STK25: variants seen among roughly 807,000 people sequenced by gnomAD.
STK25 encodes the protein serine/threonine kinase 25, also known as serine/threonine-protein kinase 25.
Under a neutral mutation model 53.8 loss-of-function variants are expected in STK25, and 29 were observed. The observed-to-expected ratio is 0.54, with a 90% CI of 0.40 to 0.74. The LOEUF (loss-of-function observed/expected upper bound fraction) is 0.74, where lower values mean the gene tolerates loss of function less well. STK25 is among the 30% of genes least tolerant of loss of function. STK25 has a pLI of 0.00. For synonymous variants in STK25, 247 were observed against 238.3 expected, an observed-to-expected ratio of 1.04 and a Z score of -0.33; for missense variants, 420 against 568.0, an observed-to-expected ratio of 0.74 and a Z score of 2.65.
chr2:241,504,589 G>C (rs1000129235), intron 2 of STK25, among the ~76,000 whole-genome samples: 21 of 152,234 alleles, frequency 1.4e-4, no homozygotes, highest in African/African-American at 3.9e-4. Flanking sequence ...GGGTGGCACA[G>C]ATGAGGTGAG....
Position 241,496,642 on chromosome 2 carries a change from A to G in STK25, c.1105-108T>C. ...CCGGAGGCCTTCAGGGCTCTCGCCT[A>G]GGAGCCACACCCGGGAGCCCTTCAG... On this transcript the variant is annotated intron_variant, in intron 10 of 11. Transcript: ENST00000316586. This position sits in a 1 kb window ranked among gnomAD's most constrained non-coding sequence, Gnocchi z 5.8. 7.7e-7 allele frequency: 1 copy of G among 1,297,288 alleles called. No individual in the cohort carries two copies. Among genetic ancestry groups the G allele is most frequent in the Non-Finnish European group, 1.0e-6 (1 of 952,634 alleles). The allele number at this position is 1,297,288 out of a possible 1,614,324, so 80.4% of individuals were successfully genotyped here.
At chr2:241,507,123 A>G (rs2065878828) in intron 2 of STK25, among the ~76,000 whole-genome samples, 1 of 152,216 alleles carries the variant, frequency 6.6e-6, no homozygotes. Flanking sequence ...GGCGATTCCA[A>G]CGCCTTAGGT....
chr2:241,495,473 TGCACAACA>T lies in STK25; in HGVS notation c.*181_*188del. On this transcript the variant is annotated 3_prime_UTR_variant, in exon 12 of 12. Coordinates refer to ENST00000316586, the MANE Select transcript of STK25 (RefSeq NM_001271977.2). ...GGCATAGAGAACAGCGTCCCTGACG[TGCACAACA>T]GCACACTGCAGGGGTGGAAGGAGAC... is the stretch of plus-strand genomic sequence containing the variant. 1.6e-6 allele frequency: 1 copy of T among 619,524 alleles called. No individual in the cohort carries two copies. The highest frequency in any genetic ancestry group is 2.7e-5 in the Admixed American group (1 of 37,636). 38.4% of individuals were successfully genotyped at this position (619,524 alleles called of 1,614,324 possible).
Position 241,493,299 on chromosome 2 carries a change from T to C in STK25, c.*2363A>G. 1 of 1,613,798 alleles carries C rather than the reference T, an allele frequency of 6.2e-7. No homozygotes were observed. Among genetic ancestry groups the C allele is most frequent in the East Asian group, 2.2e-5 (1 of 44,888 alleles). ...TCCCTATGCTGTCTTGCAGGATGAC[T>C]ACCCACTGGCCAGCCTCCCGCTGCT... On this transcript the variant is annotated 3_prime_UTR_variant, in exon 12 of 12. Coordinates refer to ENST00000316586, the MANE Select transcript of STK25 (RefSeq NM_001271977.2).
chr2:241,498,471 G>A, intron 8 of STK25, 122 bp from the exon 9 acceptor site: 2 of 1,249,106 alleles, frequency 1.6e-6, no homozygotes, highest in Non-Finnish European at 2.2e-6. Context: ...CCAGGCCACG[G>A]GGTCCAGCTG....
chr2:241,493,863 C>T lies in STK25; in HGVS notation c.*1799G>A. 1.8e-6 allele frequency: 1 copy of T among 562,724 alleles called. No individual in the cohort carries two copies. The highest frequency in any genetic ancestry group is 3.0e-5 in the East Asian group (1 of 33,796). The allele number at this position is 562,724 out of a possible 1,614,324, so 34.9% of individuals were successfully genotyped here. On this transcript the variant is annotated 3_prime_UTR_variant, in exon 12 of 12. Coordinates refer to ENST00000316586, the MANE Select transcript of STK25 (RefSeq NM_001271977.2). ...CCATCTGCCTCAGCCTCCCAAAGTG[C>T]TGGGATTATAGGCATGAGCCACCGC...
In STK25 at chr2:241,494,018, G is replaced by C; in HGVS notation, c.*1644C>G. ...CGCCCTCTCCTCCAGGTGGATGGAGGTGATCCAGGGGGCCAGCAGCTCAGC... is the reference window on the plus strand; with the variant it reads ...CGCCCTCTCCTCCAGGTGGATGGAGCTGATCCAGGGGGCCAGCAGCTCAGC... On this transcript the variant is annotated 3_prime_UTR_variant, in exon 12 of 12. Transcript: ENST00000316586. This position sits in a 1 kb window ranked among gnomAD's most constrained non-coding sequence, Gnocchi z 4.9. 1 of 1,392,510 alleles carries C rather than the reference G, an allele frequency of 7.2e-7. No homozygotes were observed. Among genetic ancestry groups the C allele is most frequent in the Non-Finnish European group, 9.3e-7 (1 of 1,070,602 alleles). 86.3% of individuals were successfully genotyped at this position (1,392,510 alleles called of 1,614,324 possible). A position where few individuals can be genotyped will look rare whatever the true frequency, so the allele number is the denominator to read the frequency against.
chr2:241,497,387 A>G, intron 10 of STK25: 4 of 539,282 alleles, frequency 7.4e-6, no homozygotes, highest in Non-Finnish European at 1.3e-5. Context: ...ACCTGAAGAA[A>G]AAAAAGTCAC....
rs765093262 is a variant in STK25 at position 241,499,251 on chromosome 2, A to T, written c.585+6T>A. The T allele has an allele frequency of 5.0e-6, 8 of 1,613,766 alleles. No homozygotes were observed. In the South Asian group the frequency reaches 5.5e-5, roughly 11 times the overall value. ...GTGCCCGCACCTGCCCGCCCGCTGC[A>T]CCCACCTTGAAGTCGTAGGCCGACT... On this transcript the variant is annotated splice_donor_region_variant and intron_variant, in intron 6 of 11. Coordinates refer to ENST00000316586, the MANE Select transcript of STK25 (RefSeq NM_001271977.2).
rs1003996961 is a variant in STK25, at chr2:241,501,121, C to T, written c.262-325G>A. 5.4e-6 allele frequency: 3 copies of T among 551,818 alleles called. No individual in the cohort carries two copies. Among genetic ancestry groups the T allele is most frequent in the Non-Finnish European group, 9.8e-6 (3 of 305,936 alleles). 34.2% of individuals were successfully genotyped at this position (551,818 alleles called of 1,614,324 possible). A position where few individuals can be genotyped will look rare whatever the true frequency, so the allele number is the denominator to read the frequency against. On this transcript the variant is annotated intron_variant, in intron 3 of 11. Transcript: ENST00000316586. The surrounding 1 kb of genome is among the most constrained non-coding windows in gnomAD (Gnocchi z 5.3). ...TGGCAAGCATGTGACCCGACACACC[C>T]ATCACCCTCCTGGGCAGGATGGCCA...
chr2:241,507,477 C>T (rs968702153), intron 2 of STK25, among the ~76,000 whole-genome samples: 1 of 152,260 alleles, frequency 6.6e-6, no homozygotes, highest in Non-Finnish European at 1.5e-5. Context: ...TTCACCCTCC[C>T]CTGGGCCAAA....
Position 241,495,060 on chromosome 2 carries a change from A to G in STK25, c.*602T>C, listed in dbSNP as rs2065072943. ...TTATTGAAAGTGGCAGGGGCCTCTC[A>G]ATGTTCTATGAAAACTAACATATTA... On this transcript the variant is annotated 3_prime_UTR_variant, in exon 12 of 12. Transcript: ENST00000316586. 6.6e-6 allele frequency: 1 copy of G among 152,362 alleles called. No homozygotes were observed. Among genetic ancestry groups the G allele is most frequent in the African/African-American group, 2.4e-5 (1 of 41,454 alleles). 9.4% of individuals were successfully genotyped at this position (152,362 alleles called of 1,614,324 possible). A position where few individuals can be genotyped will look rare whatever the true frequency, so the allele number is the denominator to read the frequency against.
At chr2:241,502,030 G>C (rs1295095145) in intron 2 of STK25, 2 of 283,440 alleles carry the variant, frequency 7.1e-6, no homozygotes, top group African/African-American at 4.4e-5. Context: ...TGGGCGTGGC[G>C]GCTCATGCCT....
rs887394830 is a variant in STK25 at position 241,496,145 on chromosome 2, C to T, written c.1241+253G>A. Among the ~76,000 whole-genome samples the T allele has an allele frequency of 6.6e-6, 1 of 152,112 alleles. No homozygotes were observed. The highest frequency in any genetic ancestry group is 2.1e-4 in the South Asian group (1 of 4,822). ...AGGACAGCCATGTGGCCACTGAGGCCGGGACCCTGAGACACTGCCTCAGAC... is the reference window on the plus strand; with the variant it reads ...AGGACAGCCATGTGGCCACTGAGGCTGGGACCCTGAGACACTGCCTCAGAC... On this transcript the variant is annotated intron_variant, in intron 11 of 11. Transcript: ENST00000316586. The surrounding 1 kb of genome is among the most constrained non-coding windows in gnomAD (Gnocchi z 5.8).
Position 241,492,862 on chromosome 2 carries a change from G to A in STK25, c.*2800C>T. On this transcript the variant is annotated 3_prime_UTR_variant, in exon 12 of 12. Transcript: ENST00000316586. ...GCATGCAGAGGCTTAGTCTTGGGGA[G>A]CAAACCCACTCCCACAAGGGGTCCT... 4.4e-6 allele frequency: 4 copies of A among 911,120 alleles called. No homozygotes were observed. Among genetic ancestry groups the A allele is most frequent in the South Asian group, 1.4e-5 (1 of 73,450 alleles). 56.4% of individuals were successfully genotyped at this position (911,120 alleles called of 1,614,324 possible).
chr2:241,495,581 C>A lies in STK25; in HGVS notation c.*81G>T. ...TGCAGGCACGACATAGCACAGGGCA[C>A]CTTCCAAGTCAGCACAGTTCTTATG... is the stretch of plus-strand genomic sequence containing the variant. On this transcript the variant is annotated 3_prime_UTR_variant, in exon 12 of 12. Transcript: ENST00000316586. 1 of 1,529,276 alleles carries A rather than the reference C, an allele frequency of 6.5e-7. No homozygotes were observed. The highest frequency in any genetic ancestry group is 9.1e-7 in the Non-Finnish European group (1 of 1,103,362). The allele number at this position is 1,529,276 out of a possible 1,614,324, so 94.7% of individuals were successfully genotyped here. A position where few individuals can be genotyped will look rare whatever the true frequency, so the allele number is the denominator to read the frequency against.
chr2:241,508,306 C>A (rs531121864), intron 1 of STK25, 137 bp downstream of exon 1: 9 of 1,248,538 alleles, frequency 7.2e-6, no homozygotes, highest in Non-Finnish European at 3.0e-6. Flanking sequence ...CCCCTCCCGT[C>A]GCCGCCCCCA....
At position 241,493,144 on chromosome 2, in the gene STK25, C is replaced by A; in HGVS notation, c.*2518G>T. On this transcript the variant is annotated 3_prime_UTR_variant, in exon 12 of 12. Transcript: ENST00000316586. Reference sequence around the variant, plus strand: ...TTTGGTTCTGCCCTCCCATGCTTTGCCCACACACCCTGTGCTGTGTGAACA... The same window carrying A: ...TTTGGTTCTGCCCTCCCATGCTTTGACCACACACCCTGTGCTGTGTGAACA... 8.8e-7 allele frequency: 1 copy of A among 1,142,214 alleles called. No homozygotes were observed. Among genetic ancestry groups the A allele is most frequent in the Non-Finnish European group, 1.3e-6 (1 of 764,904 alleles). The allele number at this position is 1,142,214 out of a possible 1,614,324, so 70.8% of individuals were successfully genotyped here.
At chr2:241,497,972 C>T (rs568064596) in intron 9 of STK25, among the ~76,000 whole-genome samples, 2 of 152,032 alleles carry the variant, frequency 1.3e-5, no homozygotes, top group South Asian at 4.2e-4. Context: ...GTGACTCCCA[C>T]CCTCTCCTGA....
Sources: allele counts gnomAD v4.1 joint callset (sites outside exome capture counted in the v4.1 genomes callset), GRCh38; gene constraint gnomAD v4.1.1; non-coding constraint Gnocchi (gnomAD v3.1); transcripts MANE v1.5; gene names NCBI Gene and HGNC (gene_info 2026-07-23, HGNC 2026-07-21).